SYNE1: variants seen among roughly 807,000 people sequenced by gnomAD.
The protein encoded by SYNE1 is nesprin-1.
Under a neutral mutation model 1,111.0 loss-of-function variants are expected in SYNE1, and 616 were observed. The observed-to-expected ratio is 0.55, with a 90% CI of 0.52 to 0.59. The LOEUF is 0.59. Among genes scored for constraint, SYNE1 ranks in the 20% least tolerant of loss-of-function variants. The probability of loss-of-function intolerance (pLI) is 0.00; values close to 1 mark genes in which losing one functional copy is unlikely to be tolerated. For missense variants in SYNE1, 10,006 were observed against 10,417.0 expected (o/e 0.96, Z 1.72); for synonymous variants, 3,855 against 3,825.8 (o/e 1.01, Z -0.28).
chr6:152,275,154 T>C (rs2093509793), intron 98 of SYNE1, among the ~76,000 whole-genome samples: 1 of 152,150 alleles, frequency 6.6e-6, no homozygotes, highest in African/African-American at 2.4e-5. Context: ...CAATTCTCCC[T>C]TCTTAGCCTC....
Position 152,331,371 on chromosome 6 carries a change from A to G in SYNE1, c.13314T>C (p.Ser4438=). Residue 4438 remains serine, a synonymous_variant, in exon 78 of 146, where the codon AGT becomes AGC. Coordinates refer to ENST00000367255, the MANE Select transcript of SYNE1 (RefSeq NM_182961.4). ...SDAQSHVNCL[S]DLVGQRRKYL... is the part of the protein sequence containing the mutation. The stretch of plus-strand genomic sequence containing the variant: ...ACTTTCTTCGCTGGCCCACTAAGTC[A>G]CTGAGACAATTCACGTGGCTTTGTG... The G allele has an allele frequency of 6.2e-7, 1 of 1,614,184 alleles. No homozygotes were observed. Among genetic ancestry groups the G allele is most frequent in the Admixed American group, 1.7e-5 (1 of 60,022 alleles).
chr6:152,450,181 C>T (rs942638591), intron 27 of SYNE1, among the ~76,000 whole-genome samples: 1 of 152,178 alleles, frequency 6.6e-6, no homozygotes, highest in Non-Finnish European at 1.5e-5. Flanking sequence ...TCATAAGGGG[C>T]TTTTCCCCCT....
chr6:152,196,182 C>T (rs1482889006), intron 127 of SYNE1, among the ~76,000 whole-genome samples: 1 of 152,086 alleles, frequency 6.6e-6, no homozygotes, highest in Admixed American at 6.5e-5. Flanking sequence ...GGAGTGGGCT[C>T]CCCTCTGGCC....
chr6:152,313,405 C>T (rs536989830), intron 87 of SYNE1, among the ~76,000 whole-genome samples: 5 of 151,816 alleles, frequency 3.3e-5, no homozygotes, highest in South Asian at 2.1e-4. Context: ...CAGGCCCCTA[C>T]GAAGTCACTC....
intron 34 of SYNE1, among the ~76,000 whole-genome samples, chr6:152,433,219 A>T (rs2098444855): frequency 6.6e-6 from 1 of 152,144 alleles, no homozygotes; most frequent in South Asian, 2.1e-4. Flanking sequence ...AACTGTCTGA[A>T]TGAAGTGGCC....
intron 145 of SYNE1, chr6:152,125,240 T>C (rs570514114): frequency 2.5e-5 from 39 of 1,549,016 alleles, no homozygotes; most frequent in Non-Finnish European, 1.4e-5. Flanking sequence ...ATGGTAATGG[T>C]AATTCAGGTC....
chr6:152,604,248 T>C (rs1334257952), intron 3 of SYNE1, among the ~76,000 whole-genome samples: 1 of 151,834 alleles, frequency 6.6e-6, no homozygotes, highest in East Asian at 1.9e-4. Flanking sequence ...CTGTTCTATG[T>C]TGGTTGAATT....
intron 3 of SYNE1, among the ~76,000 whole-genome samples, chr6:152,574,911 T>C (rs1229196425): frequency 6.6e-6 from 1 of 152,198 alleles, no homozygotes; most frequent in Non-Finnish European, 1.5e-5. Flanking sequence ...GTTTGTTTGT[T>C]TTTAATTTTG....
At position 152,262,094 on chromosome 6, in the gene SYNE1, G is replaced by C. The variant is rs778254946; in HGVS notation, c.18910C>G (p.Gln6304Glu). ...QMRMKWESLH[Q>E]EFSTKQKLLQ... ...AGTTTCTGCTTGGTACTAAATTCTT[G>C]ATGTAGGCTTTCCCATTTCATTCTC... Residue 6304 changes from glutamine to glutamate, a missense_variant, in exon 101 of 146, where the codon CAA becomes GAA. Physicochemically the swap from Gln to Glu is conservative, Grantham distance 29. Around this residue, in one of 7 missense-constraint regions of SYNE1, gnomAD observed 2,182 missense variants for 2,287.8 expected, o/e 0.95. Coordinates refer to ENST00000367255, the MANE Select transcript of SYNE1 (RefSeq NM_182961.4). 2 of 1,613,752 alleles carry C rather than the reference G, an allele frequency of 1.2e-6. No individual in the cohort carries two copies. The highest frequency in any genetic ancestry group is 2.2e-5 in the South Asian group (2 of 91,066).
chr6:152,467,326 G>T (rs572845724), intron 16 of SYNE1, among the ~76,000 whole-genome samples: 24 of 152,054 alleles, frequency 1.6e-4, no homozygotes, highest in Non-Finnish European at 3.1e-4. Context: ...TTACAACCCA[G>T]TTGAGAAAAG....
rs529462491 is a variant in SYNE1, at chr6:152,548,580, T to C, written c.68-8559A>G. Among the ~76,000 whole-genome samples, 11 of 152,274 alleles carry C rather than the reference T, an allele frequency of 7.2e-5. No individual in the cohort carries two copies. In the South Asian group the frequency reaches 2.3e-3, roughly 32 times the overall value. The stretch of plus-strand genomic sequence containing the variant: ...GAGAAATTTCACCTGAGGAACCTCA[T>C]CTCTATCTGGACAAGATGCAAACGA... On this transcript the variant is annotated intron_variant, in intron 3 of 145. Coordinates refer to ENST00000367255, the MANE Select transcript of SYNE1 (RefSeq NM_182961.4).
chr6:152,503,731 T>A (rs1000568302), intron 9 of SYNE1, among the ~76,000 whole-genome samples: 1 of 152,166 alleles, frequency 6.6e-6, no homozygotes, highest in African/African-American at 2.4e-5. Flanking sequence ...GAAGCGAAGA[T>A]AATGTATTCT....
At chr6:152,425,658 C>A in intron 38 of SYNE1, 111 bp from the exon 39 acceptor site, 1 of 1,226,910 alleles carries the variant, frequency 8.2e-7, no homozygotes. Context: ...AAATGCAAGT[C>A]ATTCGGGACA....
At chr6:152,407,437 T>C (rs2076383473) in intron 44 of SYNE1, among the ~76,000 whole-genome samples, 2 of 152,200 alleles carry the variant, frequency 1.3e-5, no homozygotes, top group African/African-American at 4.8e-5. Context: ...CATTTGTAAA[T>C]TGGGATACTA....
intron 5 of SYNE1, among the ~76,000 whole-genome samples, chr6:152,524,577 A>G (rs1344054472): frequency 1.3e-5 from 2 of 152,006 alleles, no homozygotes; most frequent in Non-Finnish European, 2.9e-5. Context: ...GCATATGCCT[A>G]TATACATTCC....
intron 2 of SYNE1, among the ~76,000 whole-genome samples, chr6:152,636,037 G>T (rs1434979559): frequency 6.6e-6 from 1 of 152,126 alleles, no homozygotes; most frequent in Non-Finnish European, 1.5e-5. Flanking sequence ...GAACTCCTCC[G>T]CCAGCAATGC....
At chr6:152,304,014 C>A (rs1257476593) in intron 91 of SYNE1, among the ~76,000 whole-genome samples, 1 of 147,342 alleles carries the variant, frequency 6.8e-6, no homozygotes, top group Admixed American at 6.9e-5. Context: ...ACTCAGCCAG[C>A]AGGCAGTCAG....
At chr6:152,608,473 G>A (rs1472936732) in intron 3 of SYNE1, among the ~76,000 whole-genome samples, 1 of 152,134 alleles carries the variant, frequency 6.6e-6, no homozygotes, top group Non-Finnish European at 1.5e-5. Flanking sequence ...GAGCTAAAAA[G>A]GCCATGTTTC....
chr6:152,568,951 A>C (rs2099429922), intron 3 of SYNE1, among the ~76,000 whole-genome samples: 1 of 152,232 alleles, frequency 6.6e-6, no homozygotes, highest in Non-Finnish European at 1.5e-5. Flanking sequence ...AAACAAAAAG[A>C]AAGAGATTTT....
Sources: gnomAD v4.1 joint callset for allele counts (sites outside exome capture counted in the v4.1 genomes callset) on GRCh38, gnomAD v4.1.1 for gene constraint, gnomAD v4.1.1 regional missense constraint, MANE v1.5 for transcripts, NCBI Gene and HGNC (gene_info 2026-07-23, HGNC 2026-07-21) for gene names.